TSFM: variants seen among roughly 807,000 people sequenced by gnomAD.
TSFM encodes the protein elongation factor Ts, mitochondrial.
A neutral mutation model predicts 33.4 loss-of-function variants in TSFM; 29 were observed. That is an observed-to-expected ratio of 0.87 (90% CI 0.65 to 1.18). TSFM has a LOEUF of 1.18. Ranked by LOEUF, TSFM falls within the 50% of genes most tolerant of loss-of-function variation. TSFM has a pLI of 0.00. For synonymous variants in TSFM, 178 were observed against 163.5 expected (o/e 1.09, Z -0.68); for missense variants, 394 against 395.6 (o/e 1.00, Z 0.04).
chr12:57,791,052 C>T (rs1466647799), intron 4 of TSFM, among the ~76,000 whole-genome samples: 1 of 151,222 alleles, frequency 6.6e-6, no homozygotes, highest in African/African-American at 2.4e-5. Context: ...TCTCATTAGC[C>T]AGGCTGGAGT....
intron 4 of TSFM, among the ~76,000 whole-genome samples, chr12:57,788,496 T>TG (rs1955619433): frequency 6.6e-6 from 1 of 152,014 alleles, no homozygotes; most frequent in Non-Finnish European, 1.5e-5. Flanking sequence ...AGGCTGGTCT[T>TG]GAACTCCTGA....
intron 2 of TSFM, among the ~76,000 whole-genome samples, chr12:57,785,376 G>A (rs1021016749): frequency 6.6e-6 from 1 of 152,132 alleles, no homozygotes; most frequent in African/African-American, 2.4e-5. Flanking sequence ...GGGCAGTAAC[G>A]GGCATGGACC....
intron 4 of TSFM, among the ~76,000 whole-genome samples, chr12:57,792,517 C>A (rs1955675949): frequency 6.6e-6 from 1 of 152,044 alleles, no homozygotes; most frequent in Non-Finnish European, 1.5e-5. Flanking sequence ...AAAGATGGAA[C>A]TGTTACCAAT....
chr12:57,795,804 A>T (rs898942870), intron 5 of TSFM, among the ~76,000 whole-genome samples: 111 of 151,888 alleles, frequency 7.3e-4, no homozygotes, highest in African/African-American at 2.7e-3. Context: ...TAGTAGAAAC[A>T]GGGTTTCATC....
Position 57,796,891 on chromosome 12 carries a change from C to G in TSFM, c.*308C>G. 9.7e-7 allele frequency: 1 copy of G among 1,031,142 alleles called. No homozygotes were observed. 63.9% of individuals were successfully genotyped at this position (1,031,142 alleles called of 1,614,324 possible). ...GAAATTTCTAACTTATATGTTCTGT[C>G]TTACACCTTTTATGACATAGAACTC... On this transcript the variant is annotated 3_prime_UTR_variant, in exon 6 of 6. Transcript: ENST00000652027.
At chr12:57,784,216 A>G (rs1267419070) in intron 2 of TSFM, 2 of 683,912 alleles carry the variant, frequency 2.9e-6, no homozygotes, top group Non-Finnish European at 5.3e-6. Flanking sequence ...GTAAATAGGC[A>G]TAAAAGATAA....
chr12:57,787,265 A>G (rs1379127100), intron 4 of TSFM, 103 bp downstream of exon 4: 1 of 1,181,716 alleles, frequency 8.5e-7, no homozygotes, highest in African/African-American at 1.5e-5. Flanking sequence ...GTTACTTCAC[A>G]TCTCTGCTTA....
At chr12:57,785,583 C>T (rs1039281379) in intron 2 of TSFM, among the ~76,000 whole-genome samples, 3 of 152,116 alleles carry the variant, frequency 2.0e-5, no homozygotes, top group African/African-American at 7.2e-5. Context: ...GAAATTCAGC[C>T]ACCCGAGTAG....
intron 4 of TSFM, 95 bp downstream of exon 4, chr12:57,787,257 T>TA (rs1955603637): frequency 8.0e-7 from 1 of 1,250,118 alleles, no homozygotes; most frequent in Non-Finnish European, 1.1e-6. Flanking sequence ...CTCATTCTGT[T>TA]ACTTCACATC....
chr12:57,798,620 C>CTT (rs1337769787), downstream of TSFM, among the ~76,000 whole-genome samples: 18 of 140,660 alleles, frequency 1.3e-4, no homozygotes, highest in African/African-American at 3.9e-4. Context: ...CTTTTCTTTT[C>CTT]TTTTTTTTTT....
intron 5 of TSFM, among the ~76,000 whole-genome samples, 188 bp downstream of exon 5, chr12:57,793,261 T>C (rs1376681183): frequency 2.0e-5 from 3 of 152,022 alleles, no homozygotes; most frequent in Non-Finnish European, 4.4e-5. Flanking sequence ...AGAGTCTTGC[T>C]CTGTTGCCCA....
rs753334761 is a variant in TSFM at position 57,796,626 on chromosome 12, T to C, written c.*43T>C. ...CCCAGGAGGAATATTTACTTTTAGCTCTGGACATCATTACAAAAAGGAATA... is the reference window on the plus strand; with the variant it reads ...CCCAGGAGGAATATTTACTTTTAGCCCTGGACATCATTACAAAAAGGAATA... On this transcript the variant is annotated 3_prime_UTR_variant, in exon 6 of 6. Coordinates refer to ENST00000652027, the MANE Select transcript of TSFM (RefSeq NM_005726.6). The C allele has an allele frequency of 1.5e-6, 2 of 1,322,458 alleles. No individual in the cohort carries two copies. Among genetic ancestry groups the C allele is most frequent in the Non-Finnish European group, 1.9e-6 (2 of 1,028,190 alleles). 81.9% of individuals were successfully genotyped at this position (1,322,458 alleles called of 1,614,324 possible).
chr12:57,801,185 C>T (rs775289990), downstream of TSFM: 10 of 1,613,568 alleles, frequency 6.2e-6, no homozygotes, highest in Non-Finnish European at 8.5e-6. Context: ...CCCAGCTCTT[C>T]TTTTAATTGT....
rs1955601007 is a variant in TSFM, at chr12:57,787,098, A to G, written c.419A>G (p.Gln140Arg). ...RNLKFQLLVQQVALGTMMHCQ... is the reference protein window; with the variant it reads ...RNLKFQLLVQRVALGTMMHCQ... ...TTAAAATTTCAACTGTTGGTCCAGC[A>G]AGTAGCCCTTGGAACCATGATGCAT... The change falls in exon 4 of 6, where the codon CAA becomes CGA. Residue 140 changes from glutamine to arginine, a missense_variant. Gln to Arg is a conservative substitution (Grantham distance 43, BLOSUM62 1). Coordinates refer to ENST00000652027, the MANE Select transcript of TSFM (RefSeq NM_005726.6). 2 of 1,611,300 alleles carry G rather than the reference A, an allele frequency of 1.2e-6. No individual in the cohort carries two copies. Among genetic ancestry groups the G allele is most frequent in the African/African-American group, 2.7e-5 (2 of 74,920 alleles).
intron 4 of TSFM, among the ~76,000 whole-genome samples, chr12:57,790,514 G>A (rs1395591274): frequency 1.1e-4 from 16 of 152,110 alleles, no homozygotes. Context: ...TATGTACTAA[G>A]TGTTACAATA....
At chr12:57,798,291 TACAG>T (rs1189998973), downstream of TSFM, among the ~76,000 whole-genome samples, 1 of 152,214 alleles carries the variant, frequency 6.6e-6, no homozygotes, top group Non-Finnish European at 1.5e-5. Context: ...AAGGATGAAT[TACAG>T]ACATCAAATT....
chr12:57,785,971 G>GATTC lies in TSFM; in HGVS notation c.232-189_232-186dup, dbSNP rs372177556. 2.6e-3 allele frequency among the ~76,000 whole-genome samples: 389 copies of GATTC among 152,322 alleles called. 1 individual carries two copies. The highest frequency in any genetic ancestry group is 4.5e-3 in the Non-Finnish European group (303 of 68,020). ...CCCCATAGGGTTGTTGTGAAGATTAGATTCATCCAAGGCACCAGTTATAAT... is the reference window on the plus strand; with the variant it reads ...CCCCATAGGGTTGTTGTGAAGATTAGATTCATTCATCCAAGGCACCAGTTATAAT... On this transcript the variant is annotated intron_variant, in intron 2 of 5. Transcript: ENST00000652027.
intron 2 of TSFM, chr12:57,783,759 A>ATTTTATT (rs756710679): frequency 1.0e-4 from 58 of 572,406 alleles, no homozygotes; most frequent in South Asian, 6.4e-4. Flanking sequence ...ACACCCGGCT[A>ATTTTATT]TTTTATTTTT....
chr12:57,802,350 T>A, downstream of TSFM: 1 of 1,607,468 alleles, frequency 6.2e-7, no homozygotes, highest in Non-Finnish European at 8.5e-7. Flanking sequence ...CAAGAACACC[T>A]GTTAAGGTGG....
Sources: gnomAD v4.1 joint callset for allele counts (sites outside exome capture counted in the v4.1 genomes callset) on GRCh38, gnomAD v4.1.1 for gene constraint, MANE v1.5 for transcripts, NCBI Gene and HGNC (gene_info 2026-07-23, HGNC 2026-07-21) for gene names.